SPATA17: variants seen among roughly 807,000 people sequenced by gnomAD.
SPATA17 encodes spermatogenesis associated 17, also known as spermatogenesis-associated protein 17.
In SPATA17, 53 loss-of-function variants were observed where a neutral mutation model predicts 62.2. The observed-to-expected ratio is 0.85, with a 90% CI of 0.68 to 1.07. SPATA17 has a LOEUF of 1.07. Ranked by LOEUF, SPATA17 falls within the 50% of genes least tolerant of loss-of-function variation. The pLI, the probability that SPATA17 is intolerant of heterozygous loss-of-function variation, is 0.00. For synonymous variants in SPATA17, 146 were observed against 146.8 expected (o/e 0.99, Z 0.04); for missense variants, 466 against 425.5 (o/e 1.10, Z -0.84).
chr1:217,819,207 A>G (rs1674801275), intron 9 of SPATA17, among the ~76,000 whole-genome samples: 1 of 151,558 alleles, frequency 6.6e-6, no homozygotes, highest in Middle Eastern at 3.2e-3. Context: ...TGACTTTTTA[A>G]TGAGGTTCTA....
chr1:217,742,093 A>G lies in SPATA17; in HGVS notation c.514A>G (p.Lys172Glu). 6.2e-7 allele frequency: 1 copy of G among 1,614,010 alleles called. No homozygotes were observed. Among genetic ancestry groups the G allele is most frequent in the South Asian group, 1.1e-5 (1 of 91,068 alleles). ...ARKMHYLLST[K>E]QIPGIYNSPF... is the part of the protein sequence containing the mutation. ...AAAGATGCATTACCTCCTCAGCACA[A>G]AGCAGGTTGGTTTACCTGTCCCTGA... Residue 172 changes from lysine to glutamate, a missense_variant, in exon 6 of 11, where the codon AAG (lysine) becomes GAG (glutamate). Transcript: ENST00000366933.
chr1:217,846,052 A>G (rs1045821181), intron 9 of SPATA17, among the ~76,000 whole-genome samples: 11 of 152,148 alleles, frequency 7.2e-5, no homozygotes, highest in African/African-American at 2.7e-4. Context: ...ATTGTGAGGT[A>G]ATCACATTAA....
At chr1:217,816,668 TA>T (rs532598360) in intron 9 of SPATA17, among the ~76,000 whole-genome samples, 2 of 152,030 alleles carry the variant, frequency 1.3e-5, no homozygotes, top group Non-Finnish European at 2.9e-5. Context: ...TATAACTAGT[TA>T]AAAAATGATA....
intron 5 of SPATA17, among the ~76,000 whole-genome samples, chr1:217,697,794 A>G (rs1207923327): frequency 6.6e-6 from 1 of 152,152 alleles, no homozygotes; most frequent in African/African-American, 2.4e-5. Flanking sequence ...ATAATGGAAG[A>G]TTGCTTTATG....
intron 5 of SPATA17, among the ~76,000 whole-genome samples, chr1:217,727,325 C>T (rs1672289492): frequency 6.6e-6 from 1 of 150,880 alleles, no homozygotes; most frequent in Non-Finnish European, 1.5e-5. Flanking sequence ...TGGCTCCTCT[C>T]AATTAAAACT....
intron 5 of SPATA17, among the ~76,000 whole-genome samples, chr1:217,697,965 T>G (rs1457036512): frequency 6.6e-6 from 1 of 152,146 alleles, no homozygotes; most frequent in East Asian, 1.9e-4. Context: ...TCTTAGTGAC[T>G]CTTCACCATT....
chr1:217,704,411 C>G (rs556693949), intron 5 of SPATA17, among the ~76,000 whole-genome samples: 1 of 150,356 alleles, frequency 6.7e-6, no homozygotes, highest in Non-Finnish European at 1.5e-5. Context: ...CCACCGCGCC[C>G]GGCTAATTTT....
intron 9 of SPATA17, among the ~76,000 whole-genome samples, chr1:217,847,108 A>G (rs914699787): frequency 1.3e-5 from 2 of 151,982 alleles, no homozygotes; most frequent in Non-Finnish European, 2.9e-5. Flanking sequence ...AGTTTTAAGG[A>G]GGCAACAATC....
intron 9 of SPATA17, among the ~76,000 whole-genome samples, chr1:217,853,048 C>T (rs1675700287): frequency 6.6e-6 from 1 of 152,148 alleles, no homozygotes; most frequent in Non-Finnish European, 1.5e-5. Context: ...GCTGTATTCT[C>T]ACTGCCTAGA....
At chr1:217,749,221 G>A (rs1672840236) in intron 6 of SPATA17, among the ~76,000 whole-genome samples, 1 of 152,106 alleles carries the variant, frequency 6.6e-6, no homozygotes, top group South Asian at 2.1e-4. Context: ...CCACTTTTCT[G>A]ACTTGAAAAA....
At chr1:217,650,437 G>A (rs1458468389) in intron 2 of SPATA17, among the ~76,000 whole-genome samples, 1 of 151,076 alleles carries the variant, frequency 6.6e-6, no homozygotes, top group Non-Finnish European at 1.5e-5. Flanking sequence ...TTTTTTTTGA[G>A]ACAGAGTCTT....
intron 5 of SPATA17, among the ~76,000 whole-genome samples, chr1:217,736,282 C>T (rs1672508298): frequency 6.6e-6 from 1 of 152,110 alleles, no homozygotes; most frequent in Non-Finnish European, 1.5e-5. Context: ...AGACATAAAC[C>T]TACACACTTA....
chr1:217,809,134 A>G (rs540745927), intron 9 of SPATA17, among the ~76,000 whole-genome samples: 2 of 152,226 alleles, frequency 1.3e-5, no homozygotes, highest in Non-Finnish European at 2.9e-5. Flanking sequence ...TAAGGACATT[A>G]TAAATATGGG....
intron 9 of SPATA17, among the ~76,000 whole-genome samples, chr1:217,845,604 T>C (rs182573502): frequency 6.6e-6 from 1 of 152,134 alleles, no homozygotes; most frequent in East Asian, 1.9e-4. Flanking sequence ...TTTATGTTTT[T>C]CATTCGTTAC....
chr1:217,792,908 G>T (rs1324567363), intron 8 of SPATA17, among the ~76,000 whole-genome samples: 1 of 152,044 alleles, frequency 6.6e-6, no homozygotes, highest in Non-Finnish European at 1.5e-5. Flanking sequence ...ATGATGTTCT[G>T]ACTTATCTAA....
chr1:217,778,307 G>T (rs538835714), intron 7 of SPATA17, among the ~76,000 whole-genome samples: 30 of 152,238 alleles, frequency 2.0e-4, no homozygotes, highest in African/African-American at 7.0e-4. Flanking sequence ...TCACCTACGA[G>T]GTCAGGAGTT....
intron 6 of SPATA17, among the ~76,000 whole-genome samples, chr1:217,768,199 C>T (rs901556549): frequency 6.6e-6 from 1 of 151,866 alleles, no homozygotes; most frequent in African/African-American, 2.4e-5. Context: ...GAGCCGAGAT[C>T]GCTCCACTGC....
At chr1:217,842,723 TGTTA>T (rs1233416045) in intron 9 of SPATA17, among the ~76,000 whole-genome samples, 2 of 152,034 alleles carry the variant, frequency 1.3e-5, no homozygotes, top group African/African-American at 2.4e-5. Flanking sequence ...ATTTTCGCTT[TGTTA>T]GTTTTTTCAT....
intron 9 of SPATA17, among the ~76,000 whole-genome samples, chr1:217,815,653 T>C (rs1453179841): frequency 6.6e-6 from 1 of 152,156 alleles, no homozygotes; most frequent in East Asian, 1.9e-4. Context: ...CCATAATCAG[T>C]TAACTTTATG....
Sources: gnomAD v4.1 joint callset for allele counts (sites outside exome capture counted in the v4.1 genomes callset) on GRCh38, gnomAD v4.1.1 for gene constraint, MANE v1.5 for transcripts, NCBI Gene and HGNC (gene_info 2026-07-23, HGNC 2026-07-21) for gene names.